The following GRIA2 variants were observed in gnomAD, a reference collection of about 807,000 sequenced individuals.
The protein encoded by GRIA2 is glutamate ionotropic receptor AMPA type subunit 2.
In GRIA2, 14 loss-of-function variants were observed where a neutral mutation model predicts 97.3. The ratio of observed to expected loss-of-function variants is 0.14; its 90% confidence interval spans 0.10 to 0.23. The LOEUF (loss-of-function observed/expected upper bound fraction) is 0.23, where lower values mean the gene tolerates loss of function less well. Among genes scored for constraint, GRIA2 ranks in the 10% least tolerant of loss-of-function variants. The probability of loss-of-function intolerance (pLI) is 1.00; values close to 1 mark genes in which losing one functional copy is unlikely to be tolerated. For synonymous variants in GRIA2, 412 were observed against 387.8 expected, an observed-to-expected ratio of 1.06 and a Z score of -0.73; for missense variants, 558 against 1,069.8, an observed-to-expected ratio of 0.52 and a Z score of 6.67.
intron 2 of GRIA2, among the ~76,000 whole-genome samples, chr4:157,255,491 C>A (rs1324725345): frequency 6.6e-6 from 1 of 151,866 alleles, no homozygotes; most frequent in Non-Finnish European, 1.5e-5. Context: ...TACTGTTTTC[C>A]ATAGGGGTTT....
chr4:157,320,708 T>C (rs1415135625), intron 5 of GRIA2, among the ~76,000 whole-genome samples: 1 of 152,110 alleles, frequency 6.6e-6, no homozygotes, highest in East Asian at 1.9e-4. Context: ...AGATAAATAT[T>C]TGTGAAATGT....
At chr4:157,305,907 A>G (rs1170952205) in intron 3 of GRIA2, among the ~76,000 whole-genome samples, 5 of 152,148 alleles carry the variant, frequency 3.3e-5, no homozygotes, top group African/African-American at 1.2e-4. Context: ...AAGCTCCAGG[A>G]AAAGAGTGCC....
At chr4:157,352,767 T>C (rs905536743) in intron 12 of GRIA2, among the ~76,000 whole-genome samples, 2 of 145,476 alleles carry the variant, frequency 1.4e-5, no homozygotes, top group African/African-American at 5.2e-5. Context: ...CAAAAACACT[T>C]ATAGGCCCGG....
intron 2 of GRIA2, among the ~76,000 whole-genome samples, chr4:157,298,968 A>G (rs563372507): frequency 2.0e-5 from 3 of 152,224 alleles, no homozygotes; most frequent in African/African-American, 7.2e-5. Flanking sequence ...AACAATTGGA[A>G]GACAAATCCT....
chr4:157,319,518 T>C (rs1665095374), intron 5 of GRIA2, among the ~76,000 whole-genome samples: 1 of 152,284 alleles, frequency 6.6e-6, no homozygotes, highest in African/African-American at 2.4e-5. Flanking sequence ...TCTCAATACT[T>C]GGTTTCTTTG....
intron 3 of GRIA2, 46 bp downstream of exon 3, chr4:157,303,837 C>G: frequency 6.3e-7 from 1 of 1,579,654 alleles, no homozygotes. Context: ...GAATTCAATG[C>G]CTACACTTGA....
intron 2 of GRIA2, among the ~76,000 whole-genome samples, chr4:157,237,769 A>G (rs1464068989): frequency 6.6e-6 from 1 of 152,182 alleles, no homozygotes; most frequent in Non-Finnish European, 1.5e-5. Flanking sequence ...TCTCAGATCA[A>G]TAAAAGAGGA....
intron 3 of GRIA2, among the ~76,000 whole-genome samples, chr4:157,310,222 T>A (rs1183190169): frequency 2.6e-5 from 4 of 152,170 alleles, no homozygotes; most frequent in Admixed American, 2.6e-4. Flanking sequence ...GTTTTAAAGA[T>A]CTGTCACTGA....
chr4:157,299,021 G>C (rs1733493101), intron 2 of GRIA2, among the ~76,000 whole-genome samples: 2 of 151,982 alleles, frequency 1.3e-5, no homozygotes, highest in Non-Finnish European at 2.9e-5. Flanking sequence ...AGAAGATAAG[G>C]CAGTGAAAGA....
At chr4:157,257,586 C>T (rs1205753057) in intron 2 of GRIA2, among the ~76,000 whole-genome samples, 1 of 152,074 alleles carries the variant, frequency 6.6e-6, no homozygotes, top group Non-Finnish European at 1.5e-5. Flanking sequence ...TTCATCACGA[C>T]ACTTCAGCTT....
At chr4:157,270,806 G>A (rs941558247) in intron 2 of GRIA2, among the ~76,000 whole-genome samples, 13 of 152,054 alleles carry the variant, frequency 8.5e-5, no homozygotes, top group Non-Finnish European at 1.6e-4. Context: ...GGTTAATCTT[G>A]GAGAGGGAGG....
chr4:157,322,336 TAAA>T lies in GRIA2; in HGVS notation c.882+740_882+742del, dbSNP rs574357193. ...TCTCTTGAACACTTTAAAAAGAAGA[TAAA>T]AATCTCAATTTGCCTTAATAATTAA... On this transcript the variant is annotated intron_variant, in intron 6 of 15. Transcript: ENST00000264426. Among the ~76,000 whole-genome samples, 707 of 151,628 alleles carry T rather than the reference TAAA, an allele frequency of 4.7e-3. 6 individuals carry two copies. The highest frequency in any genetic ancestry group is 0.016 in the African/African-American group (661 of 41,352).
intron 2 of GRIA2, among the ~76,000 whole-genome samples, chr4:157,272,778 G>A (rs1272566624): frequency 6.6e-6 from 1 of 152,092 alleles, no homozygotes; most frequent in Non-Finnish European, 1.5e-5. Context: ...ACCTAGAGAA[G>A]GGGAAATACT....
At chr4:157,362,080 T>C (rs1376097280) in intron 14 of GRIA2, among the ~76,000 whole-genome samples, 2 of 152,144 alleles carry the variant, frequency 1.3e-5, no homozygotes, top group Non-Finnish European at 2.9e-5. Flanking sequence ...GCATCATGTG[T>C]GCTCTGTTTG....
chr4:157,286,193 A>T (rs757275186), intron 2 of GRIA2, among the ~76,000 whole-genome samples: 1 of 151,578 alleles, frequency 6.6e-6, no homozygotes, highest in Non-Finnish European at 1.5e-5. Flanking sequence ...GAAAATAATT[A>T]TGTAATGTGC....
intron 2 of GRIA2, among the ~76,000 whole-genome samples, chr4:157,275,208 T>A (rs1295242181): frequency 6.6e-6 from 1 of 152,150 alleles, no homozygotes; most frequent in Non-Finnish European, 1.5e-5. Flanking sequence ...CACTTTTTGA[T>A]GAGTTTGTTT....
intron 3 of GRIA2, among the ~76,000 whole-genome samples, chr4:157,305,526 T>G (rs1209099798): frequency 6.6e-6 from 1 of 152,188 alleles, no homozygotes; most frequent in Non-Finnish European, 1.5e-5. Flanking sequence ...TTTAAGGTCT[T>G]ATAATATCCA....
chr4:157,259,525 C>A lies in GRIA2; in HGVS notation c.229+37718C>A, dbSNP rs549954429. On this transcript the variant is annotated intron_variant, in intron 2 of 15. Transcript: ENST00000264426. ...TATTTCACAGGCCATTTTATGTTCA[C>A]AGATGATATGAACTTTAGGGTACAT... Among the ~76,000 whole-genome samples the A allele has an allele frequency of 1.3e-4, 20 of 152,214 alleles. No individual in the cohort carries two copies. The Middle Eastern group carries it at 0.01, about 78-fold the overall frequency.
chr4:157,298,333 T>C (rs1733446615), intron 2 of GRIA2, among the ~76,000 whole-genome samples: 1 of 151,956 alleles, frequency 6.6e-6, no homozygotes, highest in Admixed American at 6.6e-5. Context: ...TTTGTAAATG[T>C]GCAATGAAAG....
Sources: gnomAD v4.1 joint callset for allele counts (sites outside exome capture counted in the v4.1 genomes callset) on GRCh38, gnomAD v4.1.1 for gene constraint, MANE v1.5 for transcripts, NCBI Gene and HGNC (gene_info 2026-07-23, HGNC 2026-07-21) for gene names.